DOCK8: variants seen among roughly 807,000 people sequenced by gnomAD.
DOCK8 encodes the protein dedicator of cytokinesis 8.
A neutral mutation model predicts 245.6 loss-of-function variants in DOCK8; 141 were observed. The observed-to-expected ratio is 0.57, with a 90% confidence interval of 0.50 to 0.66. The LOEUF (loss-of-function observed/expected upper bound fraction) is 0.66. Among genes scored for constraint, DOCK8 ranks in the 30% least tolerant of loss-of-function variants. The pLI is 0.00. For missense variants in DOCK8, 2,965 were observed against 2,603.4 expected, an observed-to-expected ratio of 1.14 and a Z score of -3.02; for synonymous variants, 1,168 against 970.2, an observed-to-expected ratio of 1.20 and a Z score of -3.79.
chr9:449,127 G>A (rs572264693), intron 44 of DOCK8, among the ~76,000 whole-genome samples: 2 of 152,184 alleles, frequency 1.3e-5, no homozygotes, highest in East Asian at 1.9e-4. Flanking sequence ...GAGGCAGGGG[G>A]ATTGCCTAAG....
intron 23 of DOCK8, among the ~76,000 whole-genome samples, chr9:388,553 A>G (rs1461252206): frequency 1.4e-5 from 2 of 144,746 alleles, no homozygotes; most frequent in African/African-American, 5.1e-5. Flanking sequence ...TCTGTGGGTA[A>G]TTTTTTTTTT....
chr9:336,058 G>T (rs542653975), intron 11 of DOCK8, among the ~76,000 whole-genome samples: 49 of 152,224 alleles, frequency 3.2e-4, no homozygotes, highest in Non-Finnish European at 4.7e-4. Flanking sequence ...ATTCCCATTG[G>T]GCAGATCACC....
At chr9:215,486 C>T in intron 1 of DOCK8, 2 of 1,466,890 alleles carry the variant, frequency 1.4e-6, no homozygotes, top group Non-Finnish European at 1.8e-6. Context: ...AGGCTGCAAG[C>T]CTTCTGTCGT....
In DOCK8 at chr9:405,100, G is replaced by A. The variant is rs566218135; in HGVS notation, c.3390+27G>A. The A allele has an allele frequency of 5.6e-6, 9 of 1,598,108 alleles. No homozygotes were observed. In the East Asian group the frequency reaches 1.8e-4, roughly 32 times the overall value. ...TAATAAAAGAATTATTTAACTAAAA[G>A]AATTATTCAAGCTATTTCATTTAAC... On this transcript the variant is annotated intron_variant, in intron 27 of 47. Transcript: ENST00000432829.
intron 33 of DOCK8, among the ~76,000 whole-genome samples, chr9:423,270 T>G (rs1199637447): frequency 6.6e-6 from 1 of 152,218 alleles, no homozygotes; most frequent in Non-Finnish European, 1.5e-5. Flanking sequence ...TTGACGTGTA[T>G]TGCTATATAT....
At chr9:463,927 GC>G (rs1365422493) in intron 47 of DOCK8, among the ~76,000 whole-genome samples, 6 of 152,294 alleles carry the variant, frequency 3.9e-5, no homozygotes, top group African/African-American at 1.2e-4. Context: ...TATTCCCAGG[GC>G]TGAATGATGG....
intron 1 of DOCK8, among the ~76,000 whole-genome samples, chr9:234,050 A>G (rs1232528864): frequency 6.6e-6 from 1 of 151,936 alleles, no homozygotes; most frequent in Non-Finnish European, 1.5e-5. Flanking sequence ...GTTCCTTTCC[A>G]TGTTTGGTGC....
At chr9:256,594 G>T (rs2047781657) in intron 1 of DOCK8, among the ~76,000 whole-genome samples, 1 of 152,122 alleles carries the variant, frequency 6.6e-6, no homozygotes, top group Non-Finnish European at 1.5e-5. Flanking sequence ...GTTAGCTGGG[G>T]TGGGGTCTGG....
intron 26 of DOCK8, among the ~76,000 whole-genome samples, chr9:400,802 TCCACCA>T (rs2054946984): frequency 5.5e-5 from 2 of 36,660 alleles, no homozygotes; most frequent in Non-Finnish European, 5.9e-5. Context: ...CACCACCACC[TCCACCA>T]TCACCACCAC....
chr9:410,786 G>A (rs2055685751), intron 28 of DOCK8, among the ~76,000 whole-genome samples: 1 of 152,144 alleles, frequency 6.6e-6, no homozygotes, highest in African/African-American at 2.4e-5. Context: ...TGAAAAGCTT[G>A]TTATTTGAAA....
intron 26 of DOCK8, among the ~76,000 whole-genome samples, chr9:400,280 CTTCCTTCACCACCACCACCATCTT>C (rs2054814783): frequency 2.0e-5 from 1 of 49,318 alleles, no homozygotes; most frequent in African/African-American, 1.7e-4. Context: ...ATCACCACCA[CTTCCTTCACCACCACCACCATCTT>C]CACCGTCACC....
In DOCK8 at chr9:248,539, TTCTTTCTTTCTCTCTCTCTC is replaced by T. The variant is rs1200842467; in HGVS notation, c.54-23076_54-23057del. 1.9e-4 allele frequency among the ~76,000 whole-genome samples: 12 copies of T among 62,088 alleles called. No homozygotes were observed. The East Asian group carries it at 2.0e-3, about 10-fold the overall frequency. 40.7% of individuals were successfully genotyped at this position (62,088 alleles called of 152,430 possible). ...TCCTTCCCTCCCTCTCTCTCTTTCT[TTCTTTCTTTCTCTCTCTCTC>T]TCTTTCTTTCTTTCTCTCTCTCTGT... On this transcript the variant is annotated intron_variant, in intron 1 of 47. Coordinates refer to ENST00000432829, the MANE Select transcript of DOCK8 (RefSeq NM_203447.4).
At chr9:429,174 C>CCAGG (rs1319254317) in intron 35 of DOCK8, among the ~76,000 whole-genome samples, 1 of 152,154 alleles carries the variant, frequency 6.6e-6, no homozygotes, top group Admixed American at 6.5e-5. Flanking sequence ...ACCATGTTGG[C>CCAGG]CAGGCTGGTC....
chr9:364,329 G>A (rs752135195), intron 14 of DOCK8, among the ~76,000 whole-genome samples: 24 of 152,154 alleles, frequency 1.6e-4, no homozygotes, highest in Non-Finnish European at 3.1e-4. Context: ...TGTACATACA[G>A]TATGATGAAA....
chr9:269,590 C>T (rs182071562), intron 1 of DOCK8, among the ~76,000 whole-genome samples: 1 of 138,976 alleles, frequency 7.2e-6, no homozygotes, highest in South Asian at 2.3e-4. Flanking sequence ...GAGTCTTGCT[C>T]CGTCACCCAG....
At chr9:431,714 GC>G (rs1377894668) in intron 36 of DOCK8, among the ~76,000 whole-genome samples, 2 of 152,036 alleles carry the variant, frequency 1.3e-5, no homozygotes, top group Non-Finnish European at 2.9e-5. Context: ...TTGCTGTGTT[GC>G]CCAGGCTGAT....
At chr9:292,151 A>G (rs1177189945) in intron 4 of DOCK8, among the ~76,000 whole-genome samples, 2 of 150,354 alleles carry the variant, frequency 1.3e-5, no homozygotes, top group Non-Finnish European at 3.0e-5. Context: ...CGGGTGGATC[A>G]CCTGAGGTTG....
chr9:405,181 A>T, intron 27 of DOCK8, 108 bp downstream of exon 27: 1 of 1,181,226 alleles, frequency 8.5e-7, no homozygotes, highest in South Asian at 1.3e-5. Flanking sequence ...ATTTGACAAA[A>T]AATCAAACAA....
intron 16 of DOCK8, among the ~76,000 whole-genome samples, 185 bp downstream of exon 16, chr9:370,485 A>T (rs777302646): frequency 6.6e-6 from 1 of 152,236 alleles, no homozygotes; most frequent in Non-Finnish European, 1.5e-5. Context: ...ACCAAGACTG[A>T]GAGAAGAACG....
Sources: allele counts gnomAD v4.1 joint callset (sites outside exome capture counted in the v4.1 genomes callset), GRCh38; gene constraint gnomAD v4.1.1; transcripts MANE v1.5; gene names NCBI Gene and HGNC (gene_info 2026-07-23, HGNC 2026-07-21).